The following GOLGA1 variants were observed in gnomAD, a reference collection of about 807,000 sequenced individuals.
The protein encoded by GOLGA1 is golgin A1.
GOLGA1 carries 63 observed loss-of-function variants against 119.7 expected under a neutral mutation model. The ratio of observed to expected loss-of-function variants is 0.53; its 90% CI spans 0.43 to 0.65. The LOEUF is 0.65. Among genes scored for constraint, GOLGA1 ranks in the 30% least tolerant of loss-of-function variants. The pLI is 0.00. For missense variants in GOLGA1, 798 were observed against 912.8 expected, an observed-to-expected ratio of 0.87 and a Z score of 1.62; for synonymous variants, 318 against 333.4, an observed-to-expected ratio of 0.95 and a Z score of 0.50.
At chr9:124,933,084 A>C (rs12000760) in intron 3 of GOLGA1, among the ~76,000 whole-genome samples, 42,725 of 152,082 alleles carry the variant, frequency 0.28, 7,483 homozygotes, top group Non-Finnish European at 0.39. Context: ...CCTATGTCTC[A>C]CTACTGTGCT....
intron 19 of GOLGA1, among the ~76,000 whole-genome samples, chr9:124,886,817 C>G (rs1202069160): frequency 1.3e-5 from 2 of 151,572 alleles, no homozygotes; most frequent in South Asian, 2.1e-4. Context: ...GTGGGTGAGG[C>G]AGGGTTGAGG....
chr9:124,883,664 T>C (rs931962852), intron 19 of GOLGA1, among the ~76,000 whole-genome samples: 1 of 152,036 alleles, frequency 6.6e-6, no homozygotes. Context: ...GCCAGGCTGG[T>C]CTCGAACTCC....
At chr9:124,934,676 T>C (rs1273185130) in intron 3 of GOLGA1, among the ~76,000 whole-genome samples, 1 of 152,120 alleles carries the variant, frequency 6.6e-6, no homozygotes, top group Admixed American at 6.5e-5. Flanking sequence ...CTGTACTTCA[T>C]CCTGAAAATA....
chr9:124,910,211 G>A (rs1588079009), intron 11 of GOLGA1, among the ~76,000 whole-genome samples: 1 of 152,090 alleles, frequency 6.6e-6, no homozygotes. Context: ...TTATAGGTGT[G>A]AGCCACCGCG....
rs1829586811 is a variant in GOLGA1 at position 124,881,726 on chromosome 9, C to T, written c.2136+58G>A. On this transcript the variant is annotated intron_variant, in intron 21 of 22. Transcript: ENST00000373555. The surrounding 1 kb of genome is among the most constrained non-coding windows in gnomAD (Gnocchi z 4.9). ...GAAAGGGGCTGGGCAGGGGTCCCTG[C>T]AGGACAGACTGTAGGGCGGGGCCTC... The T allele has an allele frequency of 1.7e-6, 2 of 1,203,652 alleles. No homozygotes were observed. The highest frequency in any genetic ancestry group is 2.4e-6 in the Non-Finnish European group (2 of 835,140). 74.6% of individuals were successfully genotyped at this position (1,203,652 alleles called of 1,614,324 possible).
intron 2 of GOLGA1, 54 bp downstream of exon 2, chr9:124,940,052 G>A (rs575476386): frequency 1.8e-4 from 27 of 152,262 alleles, no homozygotes; most frequent in African/African-American, 6.5e-4. Flanking sequence ...CTCCATTAAG[G>A]CTGTACAATT....
At chr9:124,895,413 CG>C (rs1829951415) in intron 15 of GOLGA1, among the ~76,000 whole-genome samples, 2 of 140,984 alleles carry the variant, frequency 1.4e-5, no homozygotes, top group African/African-American at 5.3e-5. Flanking sequence ...ACAACAGAGA[CG>C]CTCCACAACA....
At chr9:124,880,653 C>G in intron 22 of GOLGA1, 43 bp from the exon 23 acceptor site, 1 of 1,274,792 alleles carries the variant, frequency 7.8e-7, no homozygotes, top group Non-Finnish European at 1.1e-6. Context: ...CAAATCAGGA[C>G]TTGGTGCCAG....
At chr9:124,942,367 T>C (rs1331632159), upstream of GOLGA1, among the ~76,000 whole-genome samples, 2 of 152,156 alleles carry the variant, frequency 1.3e-5, no homozygotes, top group African/African-American at 4.8e-5. Flanking sequence ...TCTGGTTCCA[T>C]CCCCAGACTC....
chr9:124,894,525 C>T lies in GOLGA1; in HGVS notation c.1407+4024G>A, dbSNP rs568114192. Among the ~76,000 whole-genome samples, 9 of 152,152 alleles carry T rather than the reference C, an allele frequency of 5.9e-5. 1 individual carries two copies. Among genetic ancestry groups the T allele is most frequent in the African/African-American group, 2.2e-4 (9 of 41,492 alleles). The stretch of plus-strand genomic sequence containing the variant: ...GCAGCTGGAACTATAGGCACACAGG[C>T]TTCCTAATTTATATGTCTACTCAGA... On this transcript the variant is annotated intron_variant, in intron 15 of 22. Coordinates refer to ENST00000373555, the MANE Select transcript of GOLGA1 (RefSeq NM_002077.4).
intron 7 of GOLGA1, among the ~76,000 whole-genome samples, chr9:124,926,089 C>T (rs927064107): frequency 5.3e-5 from 8 of 152,214 alleles, no homozygotes; most frequent in East Asian, 3.9e-4. Context: ...AGGAAAGAGA[C>T]GGCCATCTCA....
intron 2 of GOLGA1, among the ~76,000 whole-genome samples, chr9:124,939,550 CTTTTTTTTTT>C (rs3051147): frequency 3.7e-5 from 3 of 81,858 alleles, no homozygotes; most frequent in Non-Finnish European, 7.1e-5. Context: ...TTCTTTCTTT[CTTTTTTTTTT>C]TTTTTTTTTT....
rs556407678 is a variant in GOLGA1 at position 124,896,048 on chromosome 9, A to G, written c.1407+2501T>C. On this transcript the variant is annotated intron_variant, in intron 15 of 22. Coordinates refer to ENST00000373555, the MANE Select transcript of GOLGA1 (RefSeq NM_002077.4). ...ACGTCAATAGCGCTGAGGTGGAGAA[A>G]CTCTGAGTTATACAAACCAAACCTA... Among the ~76,000 whole-genome samples, 3 of 152,358 alleles carry G rather than the reference A, an allele frequency of 2.0e-5. No homozygotes were observed. In the South Asian group the frequency reaches 6.2e-4, roughly 32 times the overall value.
intron 6 of GOLGA1, 114 bp from the exon 7 acceptor site, chr9:124,926,855 CAA>C (rs932170248): frequency 1.4e-5 from 8 of 579,178 alleles, no homozygotes; most frequent in Non-Finnish European, 2.2e-5. Context: ...CCAAACAAAA[CAA>C]AAAAGCCAAT....
intron 5 of GOLGA1, among the ~76,000 whole-genome samples, 200 bp downstream of exon 5, chr9:124,929,016 T>A (rs1588093904): frequency 6.6e-6 from 1 of 152,140 alleles, no homozygotes; most frequent in South Asian, 2.1e-4. Context: ...CTCCTAAGAG[T>A]CATGCCCATA....
chr9:124,915,373 C>G (rs1014867605), intron 10 of GOLGA1, among the ~76,000 whole-genome samples: 2 of 152,178 alleles, frequency 1.3e-5, no homozygotes, highest in African/African-American at 4.8e-5. Flanking sequence ...AAATGCTCAG[C>G]TATTCTTGTT....
intron 12 of GOLGA1, among the ~76,000 whole-genome samples, chr9:124,903,376 G>A (rs1047533996): frequency 1.3e-5 from 2 of 152,036 alleles, no homozygotes; most frequent in Admixed American, 1.3e-4. Flanking sequence ...TACTCAGAAG[G>A]CTTAGGCACA....
In GOLGA1 at chr9:124,899,365, C is replaced by T. The variant is rs755891011; in HGVS notation, c.1275G>A (p.Thr425=). 178 of 1,549,690 alleles carry T rather than the reference C, an allele frequency of 1.1e-4. No homozygotes were observed. The highest frequency in any genetic ancestry group is 1.6e-4 in the Admixed American group (8 of 50,994). The part of the protein sequence containing the change: ...LEAQIVALER[T]RAADQTTAEQ... ...CTGCGGTGGTCTGGTCAGCTGCCCG[C>T]GTTCTCTCCAGGGCCACTATCTGGG... is the stretch of plus-strand genomic sequence containing the variant. The change falls in exon 14 of 23, where the codon ACG becomes ACA. Residue 425 remains threonine, a synonymous_variant. Coordinates refer to ENST00000373555, the MANE Select transcript of GOLGA1 (RefSeq NM_002077.4).
At chr9:124,896,004 G>A (rs527322396) in intron 15 of GOLGA1, among the ~76,000 whole-genome samples, 2 of 152,360 alleles carry the variant, frequency 1.3e-5, no homozygotes, top group African/African-American at 4.8e-5. Context: ...CTCTACAACA[G>A]AGAACCATCC....
Sources: allele counts gnomAD v4.1 joint callset (sites outside exome capture counted in the v4.1 genomes callset), GRCh38; gene constraint gnomAD v4.1.1; non-coding constraint Gnocchi (gnomAD v3.1); transcripts MANE v1.5; gene names NCBI Gene and HGNC (gene_info 2026-07-23, HGNC 2026-07-21).